Variants in ZNF219 observed in about 807,000 individuals in gnomAD.
ZNF219 encodes zinc finger protein 219.
Under a neutral mutation model 54.4 loss-of-function variants are expected in ZNF219, and 17 were observed. The observed-to-expected ratio is 0.31, with a 90% CI of 0.21 to 0.47. The LOEUF is 0.47. ZNF219 is among the 20% of genes least tolerant of loss of function. ZNF219 has a pLI of 1.00. For synonymous variants in ZNF219, 518 were observed against 476.4 expected, an observed-to-expected ratio of 1.09 and a Z score of -1.14; for missense variants, 1,014 against 1,062.3, an observed-to-expected ratio of 0.95 and a Z score of 0.63.
chr14:21,094,829 G>T (rs1329881072), intron 1 of ZNF219, among the ~76,000 whole-genome samples: 4 of 150,532 alleles, frequency 2.7e-5, no homozygotes, highest in Admixed American at 2.0e-4. Context: ...CTGGGAGGAT[G>T]ACCAGAAGTC....
chr14:21,104,651 G>C (rs1303026135), exon 1 of ZNF219: 1 of 152,288 alleles, frequency 6.6e-6, no homozygotes, highest in Non-Finnish European at 1.5e-5. Flanking sequence ...AGCGCAGCCT[G>C]GCTGCCTTGC....
upstream of ZNF219, chr14:21,098,656 G>C (rs1039578835): frequency 2.9e-6 from 3 of 1,026,972 alleles, no homozygotes; most frequent in South Asian, 2.8e-5. Flanking sequence ...GTTTGGAGAC[G>C]GGGGGCGCTG....
chr14:21,090,447 C>T lies in ZNF219; in HGVS notation c.*89G>A, dbSNP rs1381403122. On this transcript the variant is annotated 3_prime_UTR_variant, in exon 5 of 5. Coordinates refer to ENST00000360947, the MANE Select transcript of ZNF219 (RefSeq NM_016423.3). The surrounding 1 kb of genome is among the most constrained non-coding windows in gnomAD (Gnocchi z 4.4). ...GGGCTGGGATATGGGTCCCACGCTG[C>T]CCCCTGCTGGCTTCTCTACCCAACT... The T allele has an allele frequency of 1.3e-5, 19 of 1,473,148 alleles. No individual in the cohort carries two copies. The East Asian group carries it at 4.2e-4, about 33-fold the overall frequency. 91.3% of individuals were successfully genotyped at this position (1,473,148 alleles called of 1,614,324 possible). A position where few individuals can be genotyped will look rare whatever the true frequency, so the allele number is the denominator to read the frequency against.
intron 1 of ZNF219, chr14:21,094,554 C>G: frequency 8.6e-6 from 3 of 349,552 alleles, no homozygotes; most frequent in South Asian, 2.1e-5. Flanking sequence ...GCTCAAGAGG[C>G]TGGAGTGAGG....
Position 21,092,643 on chromosome 14 carries a change from G to A in ZNF219, c.654C>T (p.Pro218=). ...SLTAHGAPER[P]LAATSAAPPP... ...GAGGCGCAGCGGAGGTGGCCGCCAGGGGACGCTCGGGAGCCCCGTGGGCCG... is the reference window on the plus strand; with the variant it reads ...GAGGCGCAGCGGAGGTGGCCGCCAGAGGACGCTCGGGAGCCCCGTGGGCCG... The change falls in exon 3 of 5, where the codon CCC becomes CCT. Residue 218 remains proline, a synonymous_variant. Transcript: ENST00000360947. 1 of 1,563,364 alleles carries A rather than the reference G, an allele frequency of 6.4e-7. No individual in the cohort carries two copies. The highest frequency in any genetic ancestry group is 8.6e-7 in the Non-Finnish European group (1 of 1,156,870).
At chr14:21,101,434 C>A, upstream of ZNF219, 6 of 1,551,516 alleles carry the variant, frequency 3.9e-6, no homozygotes, top group Non-Finnish European at 5.2e-6. Flanking sequence ...GCAGAGTGGG[C>A]ACCTCTTGGT....
Position 21,092,914 on chromosome 14 carries a change from AGC to A in ZNF219, c.381_382del (p.Leu128ThrfsTer22), listed in dbSNP as rs1217409254. 1 of 1,558,286 alleles carries A rather than the reference AGC, an allele frequency of 6.4e-7. No individual in the cohort carries two copies. Reference sequence around the variant, plus strand: ...TCTCCCCAGTCGGGCCTCGCGTAGTAGCGCGCGCTCTTCCAACTCCAGCAACA... The same window carrying A: ...TCTCCCCAGTCGGGCCTCGCGTAGTAGCGCGCTCTTCCAACTCCAGCAACA... On this transcript the variant is annotated frameshift_variant, in exon 3 of 5. Transcript: ENST00000360947. LOFTEE classifies it high-confidence loss of function.
In ZNF219 at chr14:21,092,228, A is replaced by G. The variant is rs1443592853; in HGVS notation, c.1069T>C (p.Leu357=). The G allele has an allele frequency of 1.4e-6, 2 of 1,448,628 alleles. No homozygotes were observed. Among genetic ancestry groups the G allele is most frequent in the Non-Finnish European group, 9.0e-7 (1 of 1,106,262 alleles). 89.7% of individuals were successfully genotyped at this position (1,448,628 alleles called of 1,614,324 possible). ...PDLGLLAYEP[L]GPALLLAPAP... is the part of the protein sequence containing the mutation. The stretch of plus-strand genomic sequence containing the variant: ...GGGGCCAAGAGGAGCGCTGGGCCCA[A>G]CGGCTCATAGGCCAGCAGGCCGAGG... The change falls in exon 3 of 5, where the codon TTG becomes CTG. Residue 357 remains leucine (L), a synonymous_variant. Transcript: ENST00000360947.
At chr14:21,099,161 C>A (rs1048662678), upstream of ZNF219, 16 of 200,754 alleles carry the variant, frequency 8.0e-5, no homozygotes, top group South Asian at 1.2e-4. Flanking sequence ...AGAAGTGGTA[C>A]CTTCCTTCCA....
At chr14:21,093,804 G>T in intron 1 of ZNF219, 130 bp from the exon 2 acceptor site, 1 of 781,540 alleles carries the variant, frequency 1.3e-6, no homozygotes, top group Non-Finnish European at 2.1e-6. Context: ...GCTTCTTGAG[G>T]CACGAAGGGG....
In ZNF219 at chr14:21,093,124, G is replaced by A; in HGVS notation, c.173C>T (p.Pro58Leu). ...GAAGCGCTTCCCGCATACAGGGCAGGGGAAGCGCCGTTCGCCTGCACGACT... is the reference window on the plus strand; with the variant it reads ...GAAGCGCTTCCCGCATACAGGGCAGAGGAAGCGCCGTTCGCCTGCACGACT... ...SESRAGERRF[P>L]CPVCGKRFRF... Residue 58 changes from proline to leucine, a missense_variant, in exon 3 of 5, where the codon CCC (proline) becomes CTC (leucine). By Grantham distance (98) the Pro-to-Leu change is moderately conservative (BLOSUM62 -3). Around this residue, in one of 5 missense-constraint regions of ZNF219, gnomAD observed 395 missense variants for 415.1 expected, o/e 0.95. Transcript: ENST00000360947. 6.2e-7 allele frequency: 1 copy of A among 1,610,266 alleles called. No homozygotes were observed. Among genetic ancestry groups the A allele is most frequent in the Non-Finnish European group, 8.5e-7 (1 of 1,179,236 alleles).
rs776752996 is a variant in ZNF219 at position 21,093,233 on chromosome 14, C to T, written c.64G>A (p.Gly22Ser). Residue 22 changes from glycine to serine, a missense_variant, in exon 3 of 5, where the codon GGC (glycine) becomes AGC (serine). Physicochemically the swap from Gly to Ser is moderately conservative, Grantham distance 56. Around this residue, in one of 5 missense-constraint regions of ZNF219, gnomAD observed 395 missense variants for 415.1 expected, o/e 0.95. Coordinates refer to ENST00000360947, the MANE Select transcript of ZNF219 (RefSeq NM_016423.3). The stretch of plus-strand genomic sequence containing the variant: ...GAGTATCGCTGCAGATCCAGCTCGC[C>T]GTCGAAAGCCGGCGGCGACGGCGCT... Reference protein sequence around the residue: ...HLAPSPPAFDGELDLQRYSNG... With the variant: ...HLAPSPPAFDSELDLQRYSNG... 6.2e-7 allele frequency: 1 copy of T among 1,601,792 alleles called. No individual in the cohort carries two copies. The highest frequency in any genetic ancestry group is 1.1e-5 in the South Asian group (1 of 90,870).
chr14:21,103,241 G>A, upstream of ZNF219: 1 of 1,551,492 alleles, frequency 6.4e-7, no homozygotes. Flanking sequence ...GACACGTGCT[G>A]CTCTCCTTCC....
In ZNF219 at chr14:21,092,103, G is replaced by T; in HGVS notation, c.1194C>A (p.Pro398=). Residue 398 remains proline (P), a synonymous_variant, in exon 3 of 5, where the codon CCC becomes CCA. Transcript: ENST00000360947. ...AGCCTCCGAAGCTGCGGCCGGGACCGGGCTCAGCACCCTCGCCGTTGGGCC... is the reference window on the plus strand; with the variant it reads ...AGCCTCCGAAGCTGCGGCCGGGACCTGGCTCAGCACCCTCGCCGTTGGGCC... ...EGRPNGEGAE[P]GPGRSFGGFR... 1 of 1,532,650 alleles carries T rather than the reference G, an allele frequency of 6.5e-7. No individual in the cohort carries two copies. 94.9% of individuals were successfully genotyped at this position (1,532,650 alleles called of 1,614,324 possible).
At chr14:21,091,793 C>T (rs1347979515) in intron 3 of ZNF219, 72 bp downstream of exon 3, 2 of 1,480,376 alleles carry the variant, frequency 1.4e-6, no homozygotes, top group African/African-American at 2.8e-5. Context: ...AACAAGGAAG[C>T]TACGAGGGAG....
chr14:21,099,323 G>A (rs1206589406), upstream of ZNF219: 2 of 152,278 alleles, frequency 1.3e-5, no homozygotes, highest in African/African-American at 2.4e-5. Context: ...AGAAAAATGA[G>A]GCTTCAGGAA....
chr14:21,093,220 A>C lies in ZNF219; in HGVS notation c.77T>G (p.Leu26Arg). The stretch of plus-strand genomic sequence containing the variant: ...GGCTGGCCCGTTGGAGTATCGCTGC[A>C]GATCCAGCTCGCCGTCGAAAGCCGG... The part of the protein sequence containing the change: ...SPPAFDGELD[L>R]QRYSNGPAVS... The change falls in exon 3 of 5, where the codon CTG (leucine) becomes CGG (arginine). Residue 26 changes from leucine (L) to arginine (R), a missense_variant. This residue lies in a region of ZNF219 where 395 missense variants were observed against 415.1 expected (regional missense o/e 0.95). Coordinates refer to ENST00000360947, the MANE Select transcript of ZNF219 (RefSeq NM_016423.3). The C allele has an allele frequency of 3.7e-6, 6 of 1,604,956 alleles. No individual in the cohort carries two copies. The highest frequency in any genetic ancestry group is 5.1e-6 in the Non-Finnish European group (6 of 1,179,282).
chr14:21,095,656 C>G (rs1312575241), intron 1 of ZNF219, among the ~76,000 whole-genome samples: 1 of 152,148 alleles, frequency 6.6e-6, no homozygotes, highest in Admixed American at 6.5e-5. Flanking sequence ...TGGGCCACCT[C>G]AGTACCATAG....
In ZNF219 at chr14:21,090,798, C is replaced by A; in HGVS notation, c.1907G>T (p.Gly636Val). Residue 636 changes from glycine (G) to valine (V), a missense_variant, in exon 5 of 5, where the codon GGA (glycine) becomes GTA (valine). Coordinates refer to ENST00000360947, the MANE Select transcript of ZNF219 (RefSeq NM_016423.3). The surrounding 1 kb of genome is among the most constrained non-coding windows in gnomAD (Gnocchi z 4.4). ...PLDLSLRAGP[G>V]GEAGPGGALH... ...GGCACCCCCAGGCCCGGCCTCGCCT[C>A]CCGGCCCTGCCCGCAAGGACAGGTC... is the stretch of plus-strand genomic sequence containing the variant. 6.4e-7 allele frequency: 1 copy of A among 1,572,764 alleles called. No homozygotes were observed. Among genetic ancestry groups the A allele is most frequent in the African/African-American group, 1.3e-5 (1 of 74,422 alleles).
Sources: gnomAD v4.1 joint callset for allele counts (sites outside exome capture counted in the v4.1 genomes callset) on GRCh38, gnomAD v4.1.1 for gene constraint, gnomAD v4.1.1 regional missense constraint, Gnocchi (gnomAD v3.1) non-coding constraint, MANE v1.5 for transcripts, NCBI Gene and HGNC (gene_info 2026-07-23, HGNC 2026-07-21) for gene names.